MMP26: variants seen among roughly 807,000 people sequenced by gnomAD.
MMP26 encodes the protein matrix metalloproteinase-26.
MMP26 carries 33 observed loss-of-function variants against 31.0 expected under a neutral mutation model. The ratio of observed to expected loss-of-function variants is 1.06; its 90% CI spans 0.81 to 1.42. MMP26 has a LOEUF of 1.42. MMP26 is among the 40% of genes most tolerant of loss of function. MMP26 has a pLI of 0.00. For missense variants in MMP26, 347 were observed against 316.1 expected (o/e 1.10, Z -0.74); for synonymous variants, 122 against 114.9 (o/e 1.06, Z -0.40).
In MMP26 at chr11:4,955,724, T is replaced by C. The variant is rs192965800; in HGVS notation, c.-144-32344T>C. The C allele has an allele frequency of 2.1e-3, 3,235 of 1,568,888 alleles. 5 individuals are homozygous for C. The highest frequency in any genetic ancestry group is 2.6e-3 in the Non-Finnish European group (2,953 of 1,150,686). The stretch of plus-strand genomic sequence containing the variant: ...GTTGATAATGGACATGATTCATTCA[T>C]AGGGCTCTGCTATGAAAAATACAGA... On this transcript the variant is annotated intron_variant, in intron 2 of 7. Coordinates refer to ENST00000380390, the MANE Select transcript of MMP26 (RefSeq NM_021801.5).
chr11:4,940,281 C>G (rs1241644422), intron 2 of MMP26, among the ~76,000 whole-genome samples: 5 of 152,032 alleles, frequency 3.3e-5, no homozygotes, highest in Non-Finnish European at 4.4e-5. Flanking sequence ...CTGGGCATGC[C>G]TGGATGGACA....
At chr11:4,857,991 T>C (rs185863214) in intron 2 of MMP26, among the ~76,000 whole-genome samples, 6 of 152,248 alleles carry the variant, frequency 3.9e-5, no homozygotes, top group South Asian at 2.1e-4. Context: ...ATTATCTCAA[T>C]AGATGCAGAA....
intron 2 of MMP26, among the ~76,000 whole-genome samples, chr11:4,864,822 G>A (rs1850212965): frequency 6.6e-6 from 1 of 152,108 alleles, no homozygotes; most frequent in Non-Finnish European, 1.5e-5. Context: ...ATCAATTTCA[G>A]AAAGACTCCT....
Position 4,846,738 on chromosome 11 carries a change from G to C in MMP26, c.-145+79397G>C, listed in dbSNP as rs187187979. ...TATTTATTAAAGTTAGTCAATTATT[G>C]TGCTACAACAATAGTGCTCCTCATA... On this transcript the variant is annotated intron_variant, in intron 2 of 7. Coordinates refer to ENST00000380390, the MANE Select transcript of MMP26 (RefSeq NM_021801.5). Among the ~76,000 whole-genome samples the C allele has an allele frequency of 3.3e-3, 499 of 152,204 alleles. 4 individuals are homozygous for C. Among genetic ancestry groups the C allele is most frequent in the African/African-American group, 0.011 (448 of 41,520 alleles).
chr11:4,766,084 G>A (rs1034893356), intron 1 of MMP26, among the ~76,000 whole-genome samples: 2 of 152,116 alleles, frequency 1.3e-5, no homozygotes, highest in African/African-American at 4.8e-5. Context: ...AGACCTCCTT[G>A]ATCAACCATT....
At chr11:4,820,072 AC>A (rs1269768896) in intron 2 of MMP26, among the ~76,000 whole-genome samples, 1 of 152,144 alleles carries the variant, frequency 6.6e-6, no homozygotes, top group Non-Finnish European at 1.5e-5. Context: ...CTCCAAAGAT[AC>A]CACACGGACC....
At chr11:4,805,539 A>G (rs760412469) in intron 2 of MMP26, among the ~76,000 whole-genome samples, 13 of 152,148 alleles carry the variant, frequency 8.5e-5, no homozygotes, top group Non-Finnish European at 1.8e-4. Context: ...TAGTTTGCCA[A>G]CCTCTGTCCT....
At chr11:4,889,809 G>T in intron 2 of MMP26, 1 of 175,772 alleles carries the variant, frequency 5.7e-6, no homozygotes, top group East Asian at 1.4e-4. Context: ...GCACAGATAT[G>T]GGAGACACAG....
chr11:4,913,707 AG>A (rs1286088503), intron 2 of MMP26: 3 of 152,178 alleles, frequency 2.0e-5, no homozygotes, highest in Non-Finnish European at 1.5e-5. Context: ...GACATTCTAG[AG>A]AATAAAAATG....
chr11:4,912,254 T>C (rs573036443), intron 2 of MMP26, among the ~76,000 whole-genome samples: 2 of 132,568 alleles, frequency 1.5e-5, no homozygotes, highest in African/African-American at 2.6e-5. Flanking sequence ...ATAAAATTGA[T>C]CTCAGATAAA....
At position 4,784,907 on chromosome 11, in the gene MMP26, T is replaced by C. The variant is rs148440645; in HGVS notation, c.-145+17566T>C. On this transcript the variant is annotated intron_variant, in intron 2 of 7. Transcript: ENST00000380390. ...ATAGTATAATGATCAAATTGGGCTA[T>C]TGTAAATGTGTTGCATATTTCAAGA... Among the ~76,000 whole-genome samples the C allele has an allele frequency of 7.2e-4, 110 of 152,348 alleles. 3 individuals are homozygous for C. The highest frequency in any genetic ancestry group is 5.2e-3 in the East Asian group (27 of 5,192).
At chr11:4,736,534 A>C (rs75101533) in intron 1 of MMP26, 12,910 of 152,326 alleles carry the variant, frequency 0.085, 713 homozygotes, top group Non-Finnish European at 0.12. Flanking sequence ...TTGTCAGAAC[A>C]TGACAGCTGG....
chr11:4,929,499 CTG>C (rs1260877354), intron 2 of MMP26, among the ~76,000 whole-genome samples: 1 of 152,072 alleles, frequency 6.6e-6, no homozygotes, highest in Admixed American at 6.6e-5. Context: ...CTTCAGAACA[CTG>C]TATATAAAAG....
At chr11:4,922,558 AGCAGTATTTGTTTCTTCAT>A (rs1283364024) in intron 2 of MMP26, among the ~76,000 whole-genome samples, 1 of 152,228 alleles carries the variant, frequency 6.6e-6, no homozygotes, top group Non-Finnish European at 1.5e-5. Flanking sequence ...AAAGAAAAAC[AGCAGTATTTGTTTCTTCAT>A]GCAGACTTTG....
intron 1 of MMP26, among the ~76,000 whole-genome samples, chr11:4,730,742 T>C (rs1047946567): frequency 3.9e-5 from 6 of 152,092 alleles, no homozygotes; most frequent in Non-Finnish European, 7.3e-5. Context: ...TATGAAACCA[T>C]ACTAACCATA....
At chr11:4,968,185 A>G (rs1359861164) in intron 2 of MMP26, among the ~76,000 whole-genome samples, 2 of 152,152 alleles carry the variant, frequency 1.3e-5, no homozygotes, top group Non-Finnish European at 2.9e-5. Flanking sequence ...ATTAGAGCAT[A>G]CCGTAAACAG....
At chr11:4,764,735 C>A (rs555489129) in intron 1 of MMP26, among the ~76,000 whole-genome samples, 1 of 151,944 alleles carries the variant, frequency 6.6e-6, no homozygotes, top group Non-Finnish European at 1.5e-5. Flanking sequence ...TAGCTGGGCG[C>A]GGTGGCGGGC....
intron 2 of MMP26, chr11:4,923,742 A>G (rs1851221801): frequency 6.2e-7 from 1 of 1,614,008 alleles, no homozygotes; most frequent in Admixed American, 1.7e-5. Flanking sequence ...AAGAGCCCAT[A>G]GATGTGATTG....
intron 2 of MMP26, among the ~76,000 whole-genome samples, chr11:4,865,484 C>G (rs148672750): frequency 2.0e-5 from 3 of 152,132 alleles, no homozygotes; most frequent in Non-Finnish European, 4.4e-5. Flanking sequence ...ACTGTGAAAA[C>G]TAACTAAAGC....
Sources: allele counts gnomAD v4.1 joint callset (sites outside exome capture counted in the v4.1 genomes callset), GRCh38; gene constraint gnomAD v4.1.1; transcripts MANE v1.5; gene names NCBI Gene and HGNC (gene_info 2026-07-23, HGNC 2026-07-21).